BDH1: variants seen among roughly 807,000 people sequenced by gnomAD.
The protein encoded by BDH1 is D-beta-hydroxybutyrate dehydrogenase, mitochondrial.
BDH1 carries 30 observed loss-of-function variants against 33.1 expected under a neutral mutation model. The observed-to-expected ratio is 0.91, with a 90% CI of 0.68 to 1.23. The LOEUF (loss-of-function observed/expected upper bound fraction) is 1.23, where lower values mean the gene tolerates loss of function less well. Among genes scored for constraint, BDH1 ranks in the 50% most tolerant of loss-of-function variants. The pLI, the probability that BDH1 is intolerant of heterozygous loss-of-function variation, is 0.00. For missense variants in BDH1, 443 were observed against 464.4 expected (o/e 0.95, Z 0.42); for synonymous variants, 190 against 183.6 (o/e 1.03, Z -0.28).
chr3:197,528,900 G>A lies in BDH1; in HGVS notation c.267+3512C>T, dbSNP rs1042988013. 5.3e-5 allele frequency: 8 copies of A among 152,304 alleles called. No individual in the cohort carries two copies. Among genetic ancestry groups the A allele is most frequent in the African/African-American group, 1.9e-4 (8 of 41,468 alleles). 9.4% of individuals were successfully genotyped at this position (152,304 alleles called of 1,614,324 possible). On this transcript the variant is annotated intron_variant, in intron 5 of 7. Transcript: ENST00000392379. The surrounding 1 kb of genome is among the most constrained non-coding windows in gnomAD (Gnocchi z 5.1). ...GAAGAGTCTTCTGCAGCATCGAGCA[G>A]CCTCTGCCCTGTGCTGTGGAATCTG...
At chr3:197,527,061 GT>G (rs1444647911) in intron 5 of BDH1, among the ~76,000 whole-genome samples, 3 of 152,184 alleles carry the variant, frequency 2.0e-5, no homozygotes, top group African/African-American at 7.2e-5. Flanking sequence ...TGGCAGAAAG[GT>G]TTTTGTCTCT....
Position 197,510,255 on chromosome 3 carries a change from G to C in BDH1, c.*1640C>G, listed in dbSNP as rs562415188. On this transcript the variant is annotated 3_prime_UTR_variant, in exon 8 of 8. Transcript: ENST00000392379. ...TCCCGAACGCCGTGAGAAACCTCAG[G>C]CTCGGGCGGCAGCGCGGGAGTCTGG... 6.6e-6 allele frequency: 1 copy of C among 152,498 alleles called. No homozygotes were observed. The highest frequency in any genetic ancestry group is 1.5e-5 in the Non-Finnish European group (1 of 68,128). 9.4% of individuals were successfully genotyped at this position (152,498 alleles called of 1,614,324 possible).
chr3:197,565,256 G>A (rs1406522505), intron 1 of BDH1, among the ~76,000 whole-genome samples: 1 of 152,058 alleles, frequency 6.6e-6, no homozygotes. Context: ...CTTATTGTTT[G>A]GAAAATTAGC....
intron 1 of BDH1, among the ~76,000 whole-genome samples, chr3:197,570,103 C>T (rs1717559969): frequency 6.6e-6 from 1 of 152,194 alleles, no homozygotes; most frequent in Non-Finnish European, 1.5e-5. Context: ...AAAGGTGACT[C>T]TTGTTATGTT....
chr3:197,557,000 AC>A (rs1717079694), upstream of BDH1, among the ~76,000 whole-genome samples: 1 of 151,786 alleles, frequency 6.6e-6, no homozygotes, highest in South Asian at 2.1e-4. Flanking sequence ...ACTCAAAATC[AC>A]CCCCTGCTCA....
intron 3 of BDH1, among the ~76,000 whole-genome samples, chr3:197,542,516 G>T (rs60406651): frequency 0.049 from 5,547 of 114,334 alleles, 422 homozygotes; most frequent in African/African-American, 0.19. Flanking sequence ...TTTCTTTCTT[G>T]CTTGCTTTTT....
chr3:197,571,420 C>T (rs1236022183), intron 1 of BDH1, among the ~76,000 whole-genome samples: 2 of 152,184 alleles, frequency 1.3e-5, no homozygotes, highest in Non-Finnish European at 2.9e-5. Flanking sequence ...ACTCTGTCCC[C>T]ACCCAAATCT....
intron 5 of BDH1, among the ~76,000 whole-genome samples, chr3:197,524,435 C>T (rs1394376244): frequency 6.6e-6 from 1 of 152,192 alleles, no homozygotes; most frequent in African/African-American, 2.4e-5. Context: ...ACCAGAAGAA[C>T]CCCAACCCCG....
chr3:197,533,474 T>C lies in BDH1; in HGVS notation c.156+15A>G, dbSNP rs559649959. The stretch of plus-strand genomic sequence containing the variant: ...ACCATCCAACTGGCTCCCGGGTAGC[T>C]GGGCTTCCACTCACCGGCTCCGCCG... On this transcript the variant is annotated intron_variant, in intron 4 of 7. Coordinates refer to ENST00000392379, the MANE Select transcript of BDH1 (RefSeq NM_203314.3). 9.9e-6 allele frequency: 16 copies of C among 1,613,914 alleles called. No individual in the cohort carries two copies. Among genetic ancestry groups the C allele is most frequent in the Non-Finnish European group, 1.4e-5 (16 of 1,179,738 alleles).
At chr3:197,513,948 AG>A (rs1296420367) in intron 7 of BDH1, among the ~76,000 whole-genome samples, 2 of 152,206 alleles carry the variant, frequency 1.3e-5, no homozygotes, top group African/African-American at 4.8e-5. Context: ...ACTGATACAA[AG>A]ATGTGTACAC....
At chr3:197,551,095 A>C (rs192349459) in intron 2 of BDH1, among the ~76,000 whole-genome samples, 11 of 152,260 alleles carry the variant, frequency 7.2e-5, no homozygotes, top group Admixed American at 6.5e-4. Context: ...AGTTATTTTT[A>C]TATGTGCAAT....
intron 3 of BDH1, among the ~76,000 whole-genome samples, chr3:197,543,911 G>A (rs937537948): frequency 7.9e-5 from 12 of 152,302 alleles, no homozygotes; most frequent in African/African-American, 2.9e-4. Flanking sequence ...AGAACAAGGA[G>A]TGGCATTAAC....
chr3:197,510,616 G>C lies in BDH1; in HGVS notation c.*1279C>G, dbSNP rs1454964658. On this transcript the variant is annotated 3_prime_UTR_variant, in exon 8 of 8. Coordinates refer to ENST00000392379, the MANE Select transcript of BDH1 (RefSeq NM_203314.3). Reference sequence around the variant, plus strand: ...AGAACAGGGGTGTGTGTGTGTGTGTGTGTGTGTGTGTGTGTGTGTGTGTGT... The same window carrying C: ...AGAACAGGGGTGTGTGTGTGTGTGTCTGTGTGTGTGTGTGTGTGTGTGTGT... 1 of 31,494 alleles carries C rather than the reference G, an allele frequency of 3.2e-5. No individual in the cohort carries two copies. Among genetic ancestry groups the C allele is most frequent in the Non-Finnish European group, 6.4e-5 (1 of 15,592 alleles). The allele number at this position is 31,494 out of a possible 1,614,324, so 2.0% of individuals were successfully genotyped here.
chr3:197,542,774 A>C (rs1304650020), intron 3 of BDH1, among the ~76,000 whole-genome samples: 2 of 152,042 alleles, frequency 1.3e-5, no homozygotes, highest in Non-Finnish European at 2.9e-5. Flanking sequence ...CGCCCGCCTC[A>C]GCCTCCCAAA....
chr3:197,539,468 C>T (rs1715420237), intron 3 of BDH1, among the ~76,000 whole-genome samples: 1 of 152,208 alleles, frequency 6.6e-6, no homozygotes, highest in South Asian at 2.1e-4. Context: ...ACAAAGATGG[C>T]AGCCCTTTCC....
At chr3:197,540,797 G>T (rs2108752135) in intron 3 of BDH1, among the ~76,000 whole-genome samples, 1 of 152,310 alleles carries the variant, frequency 6.6e-6, no homozygotes, top group East Asian at 1.9e-4. Flanking sequence ...AATTAACTGA[G>T]TCTGGGTGTA....
chr3:197,533,021 G>A (rs1425231231), intron 4 of BDH1, among the ~76,000 whole-genome samples: 1 of 152,174 alleles, frequency 6.6e-6, no homozygotes, highest in Non-Finnish European at 1.5e-5. Flanking sequence ...GGGATTACAG[G>A]CATGCACCTC....
chr3:197,571,156 C>A (rs1440510554), intron 1 of BDH1, among the ~76,000 whole-genome samples: 1 of 152,170 alleles, frequency 6.6e-6, no homozygotes, highest in Non-Finnish European at 1.5e-5. Flanking sequence ...ACCCATTTCT[C>A]CCATTTGGAA....
At chr3:197,546,562 G>A in intron 2 of BDH1, 76 bp from the exon 3 acceptor site, 1 of 991,958 alleles carries the variant, frequency 1.0e-6, no homozygotes, top group Non-Finnish European at 1.5e-6. Flanking sequence ...GTTCCTTTCA[G>A]GTTGTGAAAG....
Sources: allele counts gnomAD v4.1 joint callset (sites outside exome capture counted in the v4.1 genomes callset), GRCh38; gene constraint gnomAD v4.1.1; non-coding constraint Gnocchi (gnomAD v3.1); transcripts MANE v1.5; gene names NCBI Gene and HGNC (gene_info 2026-07-23, HGNC 2026-07-21).